Variants in ABCB1 observed in about 807,000 individuals in gnomAD.
The protein encoded by ABCB1 is ATP binding cassette subfamily B member 1, also known as ATP-dependent translocase ABCB1.
A neutral mutation model predicts 142.0 loss-of-function variants in ABCB1; 69 were observed. The ratio of observed to expected loss-of-function variants is 0.49; its 90% CI spans 0.40 to 0.59. ABCB1 has a LOEUF of 0.59. Among genes scored for constraint, ABCB1 ranks in the 20% least tolerant of loss-of-function variants. ABCB1 has a pLI of 0.00. For synonymous variants in ABCB1, 532 were observed against 539.2 expected (o/e 0.99, Z 0.18); for missense variants, 1,326 against 1,554.7 (o/e 0.85, Z 2.47).
intron 9 of ABCB1, among the ~76,000 whole-genome samples, chr7:87,552,376 T>G (rs1221359369): frequency 1.3e-5 from 2 of 152,204 alleles, no homozygotes; most frequent in Non-Finnish European, 2.9e-5. Context: ...AAAGTTAGGG[T>G]TCATTCCTGT....
chr7:87,706,635 C>G (rs1038397262), intron 1 of ABCB1, among the ~76,000 whole-genome samples: 1 of 152,194 alleles, frequency 6.6e-6, no homozygotes, highest in African/African-American at 2.4e-5. Flanking sequence ...GCACATCCAT[C>G]TTTGCTTTAG....
intron 1 of ABCB1, chr7:87,651,070 T>C (rs1293393653): frequency 5.0e-6 from 3 of 595,662 alleles, no homozygotes; most frequent in Non-Finnish European, 8.8e-6. Context: ...TCTTTTGGCC[T>C]GTGTGACTAC....
intron 1 of ABCB1, among the ~76,000 whole-genome samples, chr7:87,607,558 TTG>T (rs35477648): frequency 6.6e-6 from 1 of 151,966 alleles, no homozygotes; most frequent in African/African-American, 2.4e-5. Context: ...TTTACTTAAT[TTG>T]TGTGTGTGTG....
intron 1 of ABCB1, among the ~76,000 whole-genome samples, chr7:87,614,387 C>G (rs923463103): frequency 6.7e-6 from 1 of 149,464 alleles, no homozygotes; most frequent in African/African-American, 2.5e-5. Flanking sequence ...GAGCAAGACT[C>G]TATCTCAGAA....
At chr7:87,604,312 A>G (rs996022043), upstream of ABCB1, among the ~76,000 whole-genome samples, 4 of 152,186 alleles carry the variant, frequency 2.6e-5, no homozygotes, top group African/African-American at 7.2e-5. Flanking sequence ...TGCTTAAAGA[A>G]GGAATGCAAC....
chr7:87,639,682 A>G (rs1306471318), intron 1 of ABCB1, among the ~76,000 whole-genome samples: 1 of 152,126 alleles, frequency 6.6e-6, no homozygotes, highest in African/African-American at 2.4e-5. Context: ...AGTCTGTTTT[A>G]TCTGCTACTA....
intron 1 of ABCB1, among the ~76,000 whole-genome samples, chr7:87,664,202 T>A (rs191872464): frequency 5.9e-5 from 9 of 152,250 alleles, no homozygotes; most frequent in African/African-American, 1.7e-4. Flanking sequence ...GGCACACTTC[T>A]GTAGTCCAAG....
At chr7:87,653,094 GAT>G (rs1236391774) in intron 1 of ABCB1, among the ~76,000 whole-genome samples, 1 of 151,944 alleles carries the variant, frequency 6.6e-6, no homozygotes, top group African/African-American at 2.4e-5. Flanking sequence ...TTTAAAATCA[GAT>G]ATATTAATAT....
At chr7:87,620,991 A>C (rs1330712125) in intron 1 of ABCB1, among the ~76,000 whole-genome samples, 1 of 152,128 alleles carries the variant, frequency 6.6e-6, no homozygotes, top group Non-Finnish European at 1.5e-5. Flanking sequence ...AAAACTATGA[A>C]ACGCCACCAA....
At chr7:87,655,740 G>T (rs1824034451) in intron 1 of ABCB1, among the ~76,000 whole-genome samples, 1 of 152,094 alleles carries the variant, frequency 6.6e-6, no homozygotes, top group African/African-American at 2.4e-5. Context: ...AAGTATGTGA[G>T]GGCTGTGGTT....
chr7:87,706,634 TC>T (rs1239563313), intron 1 of ABCB1, among the ~76,000 whole-genome samples: 1 of 152,228 alleles, frequency 6.6e-6, no homozygotes, highest in Non-Finnish European at 1.5e-5. Context: ...CGCACATCCA[TC>T]TTTGCTTTAG....
chr7:87,614,424 G>GAAGAAAGAGAGAAAGAGA (rs1028573976), intron 1 of ABCB1, among the ~76,000 whole-genome samples: 1 of 151,272 alleles, frequency 6.6e-6, no homozygotes, highest in African/African-American at 2.4e-5. Context: ...AAGAAAGAAA[G>GAAGAAAGAGAGAAAGAGA]AAGAAAGAGA....
chr7:87,673,688 A>G (rs1826051170), intron 1 of ABCB1, among the ~76,000 whole-genome samples: 1 of 152,170 alleles, frequency 6.6e-6, no homozygotes, highest in African/African-American at 2.4e-5. Context: ...ATTCGTATCC[A>G]TGTTCTGAAT....
intron 21 of ABCB1, among the ~76,000 whole-genome samples, chr7:87,523,287 T>A (rs1051994438): frequency 6.6e-6 from 1 of 152,238 alleles, no homozygotes; most frequent in South Asian, 2.1e-4. Context: ...TTGAATTAAT[T>A]TTTTTAATTT....
chr7:87,675,087 G>C (rs773571501), intron 1 of ABCB1, among the ~76,000 whole-genome samples: 4 of 152,208 alleles, frequency 2.6e-5, no homozygotes, highest in Non-Finnish European at 4.4e-5. Flanking sequence ...TCTGTGGTGA[G>C]AGCGGGCCGC....
At chr7:87,685,903 C>T (rs1827410688) in intron 1 of ABCB1, among the ~76,000 whole-genome samples, 1 of 152,166 alleles carries the variant, frequency 6.6e-6, no homozygotes, top group African/African-American at 2.4e-5. Flanking sequence ...ATGTAAGATT[C>T]TAACTCCTTG....
intron 3 of ABCB1, among the ~76,000 whole-genome samples, chr7:87,586,890 G>T (rs1472654414): frequency 1.2e-5 from 1 of 84,958 alleles, no homozygotes; most frequent in African/African-American, 3.5e-5. Context: ...TTAAGATATG[G>T]TGTGTAAAAA....
chr7:87,617,340 C>G (rs1205793867), intron 1 of ABCB1, among the ~76,000 whole-genome samples: 1 of 152,164 alleles, frequency 6.6e-6, no homozygotes, highest in Non-Finnish European at 1.5e-5. Flanking sequence ...AAAACCAAAA[C>G]TTTGGTAATG....
At chr7:87,660,073 T>G (rs192434785) in intron 1 of ABCB1, among the ~76,000 whole-genome samples, 19 of 152,228 alleles carry the variant, frequency 1.2e-4, no homozygotes, top group Admixed American at 9.2e-4. Context: ...TGTTTTGTGC[T>G]TTTTTGGGTT....
Sources: allele counts gnomAD v4.1 joint callset (sites outside exome capture counted in the v4.1 genomes callset), GRCh38; gene constraint gnomAD v4.1.1; transcripts MANE v1.5; gene names NCBI Gene and HGNC (gene_info 2026-07-23, HGNC 2026-07-21).